The following GRB10 variants were observed in gnomAD, a reference collection of about 807,000 sequenced individuals.
GRB10 encodes growth factor receptor-bound protein 10.
GRB10 carries 20 observed loss-of-function variants against 80.9 expected under a neutral mutation model. That is an observed-to-expected ratio of 0.25 (90% CI 0.17 to 0.36). The LOEUF (loss-of-function observed/expected upper bound fraction) is 0.36, where lower values mean the gene tolerates loss of function less well. GRB10 is among the 10% of genes least tolerant of loss of function. The probability of loss-of-function intolerance (pLI) is 1.00; values close to 1 mark genes in which losing one functional copy is unlikely to be tolerated. For synonymous variants in GRB10, 291 were observed against 291.5 expected (o/e 1.00, Z 0.02); for missense variants, 548 against 747.7 (o/e 0.73, Z 3.12).
chr7:50,754,670 T>C (rs550930129), intron 3 of GRB10, among the ~76,000 whole-genome samples: 1 of 152,296 alleles, frequency 6.6e-6, no homozygotes, highest in South Asian at 2.1e-4. Context: ...AGGCAGACAT[T>C]TGGGAAAAGA....
intron 7 of GRB10, among the ~76,000 whole-genome samples, chr7:50,637,890 T>C (rs1348680574): frequency 1.3e-5 from 2 of 151,812 alleles, no homozygotes; most frequent in Non-Finnish European, 2.9e-5. Flanking sequence ...AACACAGAAA[T>C]AAAGCCACAT....
At chr7:50,777,429 TACACACAC>T (rs71018485) in intron 2 of GRB10, among the ~76,000 whole-genome samples, 1 of 146,168 alleles carries the variant, frequency 6.8e-6, no homozygotes, top group Non-Finnish European at 1.5e-5. Flanking sequence ...GCAATCTGTA[TACACACAC>T]ACACACACAC....
At chr7:50,648,207 A>G (rs1195000974) in intron 7 of GRB10, among the ~76,000 whole-genome samples, 1 of 152,152 alleles carries the variant, frequency 6.6e-6, no homozygotes, top group Non-Finnish European at 1.5e-5. Flanking sequence ...GCTGAGAAGG[A>G]AAGTCCAGCA....
intron 17 of GRB10, 111 bp downstream of exon 17, chr7:50,603,887 G>A (rs1213643573): frequency 5.3e-6 from 5 of 947,494 alleles, no homozygotes; most frequent in Non-Finnish European, 7.0e-6. Context: ...TTTAAAATGA[G>A]GACAAAACTG....
intron 7 of GRB10, among the ~76,000 whole-genome samples, chr7:50,659,416 T>C (rs1031879981): frequency 6.6e-6 from 1 of 152,142 alleles, no homozygotes; most frequent in African/African-American, 2.4e-5. Context: ...TGAGGGAGCC[T>C]AGCCAAGCCC....
chr7:50,708,800 C>T (rs1477805236), intron 4 of GRB10, among the ~76,000 whole-genome samples: 4 of 151,578 alleles, frequency 2.6e-5, no homozygotes, highest in Admixed American at 6.6e-5. Context: ...CTCAGCCTCC[C>T]GAGTAGCTGG....
Position 50,751,880 on chromosome 7 carries a change from G to C in GRB10, c.-47+4007C>G, listed in dbSNP as rs572434708. ...CTGAATTAGTGAATGGTGAGTCTTT[G>C]GCCCTAGGGGAAATACAGAGTTAGG... is the stretch of plus-strand genomic sequence containing the variant. On this transcript the variant is annotated intron_variant, in intron 3 of 18. Transcript: ENST00000401949. Among the ~76,000 whole-genome samples the C allele has an allele frequency of 3.3e-5, 5 of 152,324 alleles. No homozygotes were observed. In the South Asian group the frequency reaches 1.0e-3, roughly 32 times the overall value.
chr7:50,644,391 G>C (rs1485923653), intron 7 of GRB10, among the ~76,000 whole-genome samples: 1 of 151,726 alleles, frequency 6.6e-6, no homozygotes, highest in Non-Finnish European at 1.5e-5. Context: ...CACAGATAGG[G>C]AAGGGACGTA....
intron 7 of GRB10, among the ~76,000 whole-genome samples, chr7:50,647,344 A>T (rs1210557495): frequency 2.0e-5 from 3 of 151,786 alleles, no homozygotes; most frequent in Non-Finnish European, 4.4e-5. Flanking sequence ...TTAAACCTAA[A>T]ATGTAACCTA....
chr7:50,698,138 A>G (rs2063685278), intron 5 of GRB10, among the ~76,000 whole-genome samples: 1 of 151,972 alleles, frequency 6.6e-6, no homozygotes, highest in South Asian at 2.1e-4. Flanking sequence ...CAGTTTTTCT[A>G]TGTAATTGTT....
chr7:50,625,812 T>G (rs1472180527), intron 8 of GRB10, among the ~76,000 whole-genome samples: 3 of 152,194 alleles, frequency 2.0e-5, no homozygotes, highest in African/African-American at 7.2e-5. Context: ...CAGCTCAAAT[T>G]TACACTGCAT....
intron 5 of GRB10, among the ~76,000 whole-genome samples, chr7:50,679,668 C>G (rs1042810247): frequency 1.3e-5 from 2 of 152,044 alleles, no homozygotes; most frequent in African/African-American, 4.8e-5. Flanking sequence ...GAAGATATAC[C>G]CTGTTAAGTC....
chr7:50,618,058 T>C lies in GRB10; in HGVS notation c.846+13A>G. ...AAAGTCTATTTCAGCAGAGATCTAT[T>C]GTGGCCCAGTACCTGCAAAAGCTGG... On this transcript the variant is annotated intron_variant, in intron 10 of 18. Coordinates refer to ENST00000401949, the MANE Select transcript of GRB10 (RefSeq NM_001350814.2). 1.2e-6 allele frequency: 2 copies of C among 1,601,670 alleles called. No homozygotes were observed. The highest frequency in any genetic ancestry group is 1.7e-6 in the Non-Finnish European group (2 of 1,168,614).
chr7:50,743,821 A>T (rs2072339704), intron 3 of GRB10, among the ~76,000 whole-genome samples: 1 of 152,216 alleles, frequency 6.6e-6, no homozygotes. Context: ...ACACACAGAC[A>T]TGAATGCCCA....
chr7:50,689,924 T>C (rs1208656655), intron 5 of GRB10, among the ~76,000 whole-genome samples: 1 of 150,066 alleles, frequency 6.7e-6, no homozygotes, highest in Non-Finnish European at 1.5e-5. Context: ...CATGCCAAAA[T>C]AAGGAAGCAT....
At chr7:50,756,197 G>A (rs986576114) in intron 2 of GRB10, 141 bp from the exon 3 acceptor site, 1 of 397,176 alleles carries the variant, frequency 2.5e-6, no homozygotes, top group Non-Finnish European at 4.4e-6. Flanking sequence ...GTGTTCTGAA[G>A]AACAAAACAA....
At chr7:50,674,773 T>C in intron 5 of GRB10, 115 bp from the exon 6 acceptor site, 1 of 857,000 alleles carries the variant, frequency 1.2e-6, no homozygotes, top group South Asian at 1.4e-5. Context: ...TCAAATATTA[T>C]GGAAGGGGTA....
At chr7:50,735,869 A>G (rs899432501) in intron 3 of GRB10, among the ~76,000 whole-genome samples, 1 of 148,932 alleles carries the variant, frequency 6.7e-6, no homozygotes, top group Non-Finnish European at 1.5e-5. Flanking sequence ...AAACTACAGG[A>G]AAAAAAACAA....
intron 4 of GRB10, among the ~76,000 whole-genome samples, chr7:50,711,900 T>C (rs555725279): frequency 6.6e-6 from 1 of 152,310 alleles, no homozygotes; most frequent in African/African-American, 2.4e-5. Context: ...GTACTGTTGC[T>C]ACCTCATCTT....
Sources: gnomAD v4.1 joint callset for allele counts (sites outside exome capture counted in the v4.1 genomes callset) on GRCh38, gnomAD v4.1.1 for gene constraint, MANE v1.5 for transcripts, NCBI Gene and HGNC (gene_info 2026-07-23, HGNC 2026-07-21) for gene names.